The following XPO5 variants were observed in gnomAD, a reference collection of about 807,000 sequenced individuals.
XPO5 encodes the protein exportin 5, also known as exportin-5.
A neutral mutation model predicts 160.6 loss-of-function variants in XPO5; 46 were observed. That is an observed-to-expected ratio of 0.29 (90% CI 0.23 to 0.37). XPO5 has a LOEUF of 0.37. Ranked by LOEUF, XPO5 falls within the 10% of genes least tolerant of loss-of-function variation. The pLI is 1.00. For missense variants in XPO5, 1,090 were observed against 1,463.9 expected (o/e 0.74, Z 4.17); for synonymous variants, 537 against 519.3 (o/e 1.03, Z -0.46).
intron 15 of XPO5, 125 bp downstream of exon 15, chr6:43,551,173 T>C (rs1490730444): frequency 1.9e-6 from 2 of 1,037,702 alleles, no homozygotes; most frequent in East Asian, 2.8e-5. Flanking sequence ...TGAGGATCCC[T>C]TGAGACTAGT....
At chr6:43,561,601 A>G (rs981113637) in intron 9 of XPO5, 3 of 152,526 alleles carry the variant, frequency 2.0e-5, no homozygotes, top group African/African-American at 7.3e-5. Context: ...CTAGTCTCAA[A>G]CTCTTGACCT....
chr6:43,558,638 T>C, intron 11 of XPO5, 47 bp from the exon 12 acceptor site: 1 of 1,435,988 alleles, frequency 7.0e-7, no homozygotes, highest in South Asian at 1.3e-5. Context: ...GTGGACCCAC[T>C]GAAAGAGTTT....
At position 43,524,639 on chromosome 6, in the gene XPO5, A is replaced by G. The variant is rs778510766; in HGVS notation, c.3313-4T>C. 6.8e-6 allele frequency: 11 copies of G among 1,613,488 alleles called. No homozygotes were observed. Among genetic ancestry groups the G allele is most frequent in the East Asian group, 2.2e-5 (1 of 44,870 alleles). Reference sequence around the variant, plus strand: ...TTATCTCCAGGTACCTGGGGCGCTGATATCAGCAGGGATAAACTTACTGGA... The same window carrying G: ...TTATCTCCAGGTACCTGGGGCGCTGGTATCAGCAGGGATAAACTTACTGGA... On this transcript the variant is annotated splice_region_variant and splice_polypyrimidine_tract_variant and intron_variant, in intron 30 of 31. Coordinates refer to ENST00000265351, the MANE Select transcript of XPO5 (RefSeq NM_020750.3).
chr6:43,567,663 T>C (rs2127752480), intron 6 of XPO5, among the ~76,000 whole-genome samples: 1 of 150,388 alleles, frequency 6.6e-6, no homozygotes, highest in South Asian at 2.1e-4. Context: ...GAGGCCAAGG[T>C]GGGTGAATCA....
chr6:43,555,835 C>G lies in XPO5; in HGVS notation c.1441+1G>C, dbSNP rs990250564. On this transcript the variant is annotated splice_donor_variant, in intron 13 of 31. Transcript: ENST00000265351. LOFTEE classifies it high-confidence loss of function. ...AACATTCAGTAATGAAAAAAACTTA[C>G]AATTCACAGAACCAGCATCAAGAAA... The G allele has an allele frequency of 4.3e-6, 7 of 1,613,568 alleles. No homozygotes were observed. Among genetic ancestry groups the G allele is most frequent in the Non-Finnish European group, 5.9e-6 (7 of 1,179,780 alleles).
At position 43,523,231 on chromosome 6, in the gene XPO5, T is replaced by C; in HGVS notation, c.*637A>G. On this transcript the variant is annotated 3_prime_UTR_variant, in exon 32 of 32. Coordinates refer to ENST00000265351, the MANE Select transcript of XPO5 (RefSeq NM_020750.3). ...ACTTCCCAGCCCTGGTCCTTGGAGG[T>C]ACTATACTTGATACTGTGCCAAGTT... The C allele has an allele frequency of 5.5e-6, 1 of 181,760 alleles. No homozygotes were observed. The allele number at this position is 181,760 out of a possible 1,614,324, so 11.3% of individuals were successfully genotyped here.
At chr6:43,551,489 G>A in intron 14 of XPO5, 36 bp from the exon 15 acceptor site, 6 of 1,602,938 alleles carry the variant, frequency 3.7e-6, no homozygotes, top group Non-Finnish European at 5.1e-6. Context: ...GACAATGGCT[G>A]CCTCCACTTA....
At chr6:43,574,304 A>G (rs1488102122) in intron 1 of XPO5, among the ~76,000 whole-genome samples, 3 of 152,062 alleles carry the variant, frequency 2.0e-5, no homozygotes, top group East Asian at 3.8e-4. Context: ...ACCCTACTCA[A>G]AAAGAAACTC....
chr6:43,525,320 T>A (rs1280461288), intron 28 of XPO5, 106 bp from the exon 29 acceptor site: 6 of 1,075,646 alleles, frequency 5.6e-6, no homozygotes, highest in Non-Finnish European at 7.9e-6. Flanking sequence ...CCTCCCCCCC[T>A]CTAAAGATGG....
intron 3 of XPO5, 96 bp from the exon 4 acceptor site, chr6:43,571,090 A>T (rs1762985247): frequency 4.5e-6 from 6 of 1,320,754 alleles, no homozygotes; most frequent in Non-Finnish European, 2.1e-6. Flanking sequence ...ATTTATCAGC[A>T]GGCCTACTTT....
rs151076367 is a variant in XPO5, at chr6:43,548,778, T to C, written c.1861-318A>G. Reference sequence around the variant, plus strand: ...TATATATGGAGATAACTGCTGTGCATTCAGAGAAGAAATTTCTGGATAATT... The same window carrying C: ...TATATATGGAGATAACTGCTGTGCACTCAGAGAAGAAATTTCTGGATAATT... On this transcript the variant is annotated intron_variant, in intron 17 of 31. Transcript: ENST00000265351. Among the ~76,000 whole-genome samples the C allele has an allele frequency of 2.2e-3, 340 of 151,374 alleles. 9 individuals are homozygous for C. The highest frequency in any genetic ancestry group is 0.021 in the Admixed American group (324 of 15,156).
chr6:43,535,149 G>A (rs931598975), intron 20 of XPO5, among the ~76,000 whole-genome samples: 4 of 151,570 alleles, frequency 2.6e-5, no homozygotes, highest in East Asian at 2.0e-4. Context: ...AAAATTAGCC[G>A]GACGTGGTGG....
chr6:43,571,133 A>C, intron 3 of XPO5, 139 bp from the exon 4 acceptor site: 1 of 863,228 alleles, frequency 1.2e-6, no homozygotes, highest in Non-Finnish European at 1.8e-6. Context: ...CCTGTTCTTC[A>C]GCCTGAGTCA....
chr6:43,527,899 A>C (rs867962004), intron 25 of XPO5, among the ~76,000 whole-genome samples, 168 bp from the exon 26 acceptor site: 1 of 152,240 alleles, frequency 6.6e-6, no homozygotes, highest in Non-Finnish European at 1.5e-5. Context: ...CATTATTACT[A>C]GTGACTCTGT....
At chr6:43,537,705 C>G (rs1794422367) in intron 20 of XPO5, among the ~76,000 whole-genome samples, 1 of 152,102 alleles carries the variant, frequency 6.6e-6, no homozygotes, top group Admixed American at 6.6e-5. Flanking sequence ...TCCAGAGATG[C>G]AATCATCAAA....
At chr6:43,531,641 T>G in intron 21 of XPO5, 66 bp from the exon 22 acceptor site, 1 of 1,362,114 alleles carries the variant, frequency 7.3e-7, no homozygotes, top group Non-Finnish European at 1.1e-6. Context: ...GCCAACACTC[T>G]ACAGCAGGAA....
At chr6:43,565,582 A>T in intron 8 of XPO5, 78 bp downstream of exon 8, 6 of 1,208,696 alleles carry the variant, frequency 5.0e-6, no homozygotes, top group African/African-American at 1.6e-5. Context: ...AAAAAAAAAA[A>T]GAACTTCAGA....
chr6:43,529,503 G>A (rs2396028), intron 23 of XPO5: 5,002 of 259,740 alleles, frequency 0.019, 70 homozygotes, highest in South Asian at 0.027. Context: ...GCAGTGAGCC[G>A]AGATCACGCC....
intron 20 of XPO5, among the ~76,000 whole-genome samples, chr6:43,537,001 C>G (rs1378886906): frequency 1.3e-5 from 2 of 152,104 alleles, no homozygotes; most frequent in Non-Finnish European, 2.9e-5. Context: ...GGGTCTCACT[C>G]TACTGCCCAG....
Sources: allele counts gnomAD v4.1 joint callset (sites outside exome capture counted in the v4.1 genomes callset), GRCh38; gene constraint gnomAD v4.1.1; transcripts MANE v1.5; gene names NCBI Gene and HGNC (gene_info 2026-07-23, HGNC 2026-07-21).